Variants in PDE4D observed in about 807,000 individuals in gnomAD.
PDE4D encodes phosphodiesterase 4D.
In PDE4D, 24 loss-of-function variants were observed where a neutral mutation model predicts 87.4. That is an observed-to-expected ratio of 0.27 (90% confidence interval 0.20 to 0.39). The LOEUF is 0.39. PDE4D is among the 10% of genes least tolerant of loss of function. PDE4D has a pLI of 1.00. For synonymous variants in PDE4D, 384 were observed against 383.2 expected (o/e 1.00, Z -0.02); for missense variants, 714 against 1,041.0 (o/e 0.69, Z 4.32).
intron 1 of PDE4D, among the ~76,000 whole-genome samples, chr5:59,503,963 A>T (rs1172211957): frequency 6.6e-6 from 1 of 152,326 alleles, no homozygotes; most frequent in East Asian, 1.9e-4. Flanking sequence ...TGAACTTATT[A>T]AGACAAGAAC....
At chr5:60,291,400 A>T (rs1259797273) in intron 1 of PDE4D, among the ~76,000 whole-genome samples, 1 of 152,206 alleles carries the variant, frequency 6.6e-6, no homozygotes, top group Non-Finnish European at 1.5e-5. Flanking sequence ...AATAATAAAA[A>T]TGTCAAAGAA....
chr5:59,025,808 C>CTCTTTGCT (rs1458420228), intron 6 of PDE4D, among the ~76,000 whole-genome samples: 3 of 152,244 alleles, frequency 2.0e-5, no homozygotes, highest in African/African-American at 7.2e-5. Flanking sequence ...GCATCTTTGC[C>CTCTTTGCT]TCTTTGCTAT....
intron 2 of PDE4D, among the ~76,000 whole-genome samples, chr5:60,127,417 G>C (rs1190102982): frequency 1.3e-5 from 2 of 152,084 alleles, no homozygotes; most frequent in Non-Finnish European, 2.9e-5. Flanking sequence ...TTGGATGAGG[G>C]GCAAGAGCAG....
chr5:59,191,148 CA>C (rs1744202332), intron 3 of PDE4D, among the ~76,000 whole-genome samples: 1 of 152,040 alleles, frequency 6.6e-6, no homozygotes, highest in Admixed American at 6.6e-5. Flanking sequence ...GACTAAATTA[CA>C]TATATGTGTG....
intron 5 of PDE4D, among the ~76,000 whole-genome samples, chr5:59,145,127 T>A (rs867752045): frequency 3.9e-5 from 6 of 152,194 alleles, no homozygotes; most frequent in South Asian, 2.1e-4. Flanking sequence ...TTGTGAGCAC[T>A]CAATAATTTA....
chr5:59,330,638 AAAG>A (rs1251489358), intron 1 of PDE4D, among the ~76,000 whole-genome samples: 1 of 152,200 alleles, frequency 6.6e-6, no homozygotes, highest in Non-Finnish European at 1.5e-5. Flanking sequence ...TTATTTCTCA[AAAG>A]AAATTTTAAG....
chr5:59,616,834 T>C (rs989040860), intron 1 of PDE4D, among the ~76,000 whole-genome samples: 5 of 149,366 alleles, frequency 3.3e-5, no homozygotes, highest in Non-Finnish European at 7.4e-5. Context: ...GGAAAGGATA[T>C]CTATATATAT....
chr5:59,581,895 C>T (rs1438892420), intron 1 of PDE4D, among the ~76,000 whole-genome samples: 1 of 152,120 alleles, frequency 6.6e-6, no homozygotes, highest in Non-Finnish European at 1.5e-5. Context: ...ATCTTTGCTA[C>T]ACTATATCTA....
intron 1 of PDE4D, among the ~76,000 whole-genome samples, chr5:59,769,699 A>C (rs1243733956): frequency 6.6e-6 from 1 of 152,186 alleles, no homozygotes; most frequent in Admixed American, 6.5e-5. Context: ...AGAAACTCAA[A>C]CCTTTGCATA....
At chr5:60,068,581 A>G (rs747330920) in intron 2 of PDE4D, among the ~76,000 whole-genome samples, 2 of 151,612 alleles carry the variant, frequency 1.3e-5, no homozygotes, top group African/African-American at 2.4e-5. Flanking sequence ...TCATATCATT[A>G]TTTTATTAAT....
chr5:59,061,460 C>T (rs1299868697), intron 5 of PDE4D, among the ~76,000 whole-genome samples: 1 of 152,098 alleles, frequency 6.6e-6, no homozygotes, highest in Non-Finnish European at 1.5e-5. Context: ...GAAGAGTTTG[C>T]CTGCAGTAGT....
At chr5:59,461,871 A>G (rs1582717075) in intron 1 of PDE4D, among the ~76,000 whole-genome samples, 2 of 152,262 alleles carry the variant, frequency 1.3e-5, no homozygotes, top group South Asian at 4.1e-4. Flanking sequence ...TACTCATGAT[A>G]TATCTGGCCC....
At chr5:59,620,528 G>A (rs1248713015) in intron 1 of PDE4D, among the ~76,000 whole-genome samples, 1 of 152,098 alleles carries the variant, frequency 6.6e-6, no homozygotes, top group Non-Finnish European at 1.5e-5. Flanking sequence ...TCAGAGTGTG[G>A]CCATGGAGGT....
intron 1 of PDE4D, among the ~76,000 whole-genome samples, chr5:59,811,593 A>G (rs1768354993): frequency 6.6e-6 from 1 of 152,162 alleles, no homozygotes; most frequent in Non-Finnish European, 1.5e-5. Flanking sequence ...AGGTTTCCAG[A>G]AAGCAGTCAT....
At chr5:60,319,483 C>A (rs963737588) in intron 1 of PDE4D, among the ~76,000 whole-genome samples, 16 of 152,216 alleles carry the variant, frequency 1.1e-4, no homozygotes, top group Non-Finnish European at 1.9e-4. Flanking sequence ...CTTCTCTCAA[C>A]TCGTCAAAGT....
intron 1 of PDE4D, among the ~76,000 whole-genome samples, chr5:60,510,529 G>T (rs546789752): frequency 6.6e-6 from 1 of 152,260 alleles, no homozygotes; most frequent in East Asian, 1.9e-4. Context: ...AACATGTCTA[G>T]CTAAAATAAC....
chr5:59,806,345 G>A (rs1767730109), intron 1 of PDE4D, among the ~76,000 whole-genome samples: 1 of 152,176 alleles, frequency 6.6e-6, no homozygotes. Context: ...TGTCACTGAT[G>A]TCCCTAGACA....
intron 5 of PDE4D, among the ~76,000 whole-genome samples, chr5:59,066,942 A>T (rs1280806142): frequency 6.6e-6 from 1 of 152,048 alleles, no homozygotes; most frequent in African/African-American, 2.4e-5. Flanking sequence ...AGTCTCCAGA[A>T]CTGTGAGAAA....
intron 1 of PDE4D, among the ~76,000 whole-genome samples, chr5:59,324,135 G>A (rs1329901560): frequency 6.6e-6 from 1 of 152,092 alleles, no homozygotes; most frequent in Non-Finnish European, 1.5e-5. Context: ...TTCATTAAAA[G>A]CCCACTCTGG....
Sources: gnomAD v4.1 joint callset for allele counts (sites outside exome capture counted in the v4.1 genomes callset) on GRCh38, gnomAD v4.1.1 for gene constraint, MANE v1.5 for transcripts, NCBI Gene and HGNC (gene_info 2026-07-23, HGNC 2026-07-21) for gene names.